Variants in FGGY observed in about 807,000 individuals in gnomAD.
FGGY encodes FGGY carbohydrate kinase domain containing, also known as FGGY carbohydrate kinase domain-containing protein.
Under a neutral mutation model 71.3 loss-of-function variants are expected in FGGY, and 72 were observed. The ratio of observed to expected loss-of-function variants is 1.01; its 90% CI spans 0.84 to 1.23. FGGY has a LOEUF of 1.23. Among genes scored for constraint, FGGY ranks in the 50% most tolerant of loss-of-function variants. The pLI, the probability that FGGY is intolerant of heterozygous loss-of-function variation, is 0.00. For missense variants in FGGY, 668 were observed against 682.3 expected, an observed-to-expected ratio of 0.98 and a Z score of 0.23; for synonymous variants, 251 against 250.3, an observed-to-expected ratio of 1.00 and a Z score of -0.02.
intron 11 of FGGY, among the ~76,000 whole-genome samples, chr1:59,646,647 T>C (rs2097097316): frequency 6.6e-6 from 1 of 152,162 alleles, no homozygotes. Context: ...AGGCACCTGA[T>C]GCACCAGGCA....
rs1474554762 is a variant in FGGY at position 59,359,478 on chromosome 1, C to G, written c.465+13080C>G. On this transcript the variant is annotated intron_variant, in intron 4 of 15. Transcript: ENST00000303721. Reference sequence around the variant, plus strand: ...ATTCCAGCACATTATAGTTACCTCTCCAAGAGCTGACTTTGTCCTCTTCTT... The same window carrying G: ...ATTCCAGCACATTATAGTTACCTCTGCAAGAGCTGACTTTGTCCTCTTCTT... 2.0e-5 allele frequency among the ~76,000 whole-genome samples: 3 copies of G among 152,130 alleles called. No homozygotes were observed. In the East Asian group the frequency reaches 5.8e-4, roughly 29 times the overall value.
At chr1:59,719,741 G>T (rs1367923373) in intron 14 of FGGY, among the ~76,000 whole-genome samples, 1 of 152,146 alleles carries the variant, frequency 6.6e-6, no homozygotes, top group Non-Finnish European at 1.5e-5. Context: ...GCCAGACACT[G>T]TTCTAGGCAT....
rs529936783 is a variant in FGGY, at chr1:59,665,932, C to T, written c.1297-1351C>T. Among the ~76,000 whole-genome samples the T allele has an allele frequency of 1.4e-4, 22 of 152,334 alleles. No homozygotes were observed. In the South Asian group the frequency reaches 4.1e-3, roughly 29 times the overall value. On this transcript the variant is annotated intron_variant, in intron 12 of 15. Transcript: ENST00000303721. Reference sequence around the variant, plus strand: ...TCATGATCCGCCCGCCTTGGCCTCCCAAAGTGCTGGGATTACAGGCGTGAG... The same window carrying T: ...TCATGATCCGCCCGCCTTGGCCTCCTAAAGTGCTGGGATTACAGGCGTGAG...
chr1:59,579,404 A>T (rs1337954932), intron 8 of FGGY, among the ~76,000 whole-genome samples: 1 of 152,106 alleles, frequency 6.6e-6, no homozygotes, highest in Non-Finnish European at 1.5e-5. Context: ...TGATATCCTA[A>T]TATATTTAAT....
chr1:59,316,655 T>C (rs973250045), intron 1 of FGGY, among the ~76,000 whole-genome samples: 2 of 152,202 alleles, frequency 1.3e-5, no homozygotes, highest in Admixed American at 6.5e-5. Context: ...TAATGAACTG[T>C]ATAAATATTT....
intron 7 of FGGY, among the ~76,000 whole-genome samples, chr1:59,531,368 T>A (rs1456203043): frequency 6.6e-6 from 1 of 152,260 alleles, no homozygotes; most frequent in African/African-American, 2.4e-5. Flanking sequence ...ATTCATTAAT[T>A]TATTCACTTG....
chr1:59,632,732 A>T (rs1232179130), intron 10 of FGGY, among the ~76,000 whole-genome samples: 1 of 151,976 alleles, frequency 6.6e-6, no homozygotes, highest in Non-Finnish European at 1.5e-5. Context: ...ACTTCTAAAA[A>T]TTTTTCTCTC....
intron 14 of FGGY, among the ~76,000 whole-genome samples, chr1:59,707,525 T>G (rs1333913798): frequency 6.6e-6 from 1 of 151,982 alleles, no homozygotes; most frequent in Admixed American, 6.6e-5. Context: ...GACAAGAGAG[T>G]GTTTTCAGCT....
chr1:59,593,425 A>T (rs1238981442), intron 8 of FGGY, among the ~76,000 whole-genome samples: 1 of 152,204 alleles, frequency 6.6e-6, no homozygotes, highest in Non-Finnish European at 1.5e-5. Flanking sequence ...TTATTTTCAC[A>T]TCTGCTCCGT....
intron 8 of FGGY, 58 bp from the exon 9 acceptor site, chr1:59,607,745 A>C: frequency 7.4e-7 from 1 of 1,353,956 alleles, no homozygotes; most frequent in Admixed American, 1.8e-5. Context: ...TAGGAGGAGA[A>C]CCCTTCCCCT....
chr1:59,422,559 G>T (rs1180649469), intron 5 of FGGY, among the ~76,000 whole-genome samples: 1 of 151,934 alleles, frequency 6.6e-6, no homozygotes, highest in Admixed American at 6.6e-5. Flanking sequence ...GCCAGGTGAG[G>T]TAGTGCGTGC....
intron 14 of FGGY, chr1:59,699,305 C>T (rs1285016065): frequency 1.0e-6 from 1 of 984,328 alleles, no homozygotes; most frequent in Non-Finnish European, 1.2e-6. Flanking sequence ...ATTAGAGATA[C>T]TAAATTGTTT....
chr1:59,726,034 A>C (rs542756830), intron 14 of FGGY, among the ~76,000 whole-genome samples: 13 of 152,284 alleles, frequency 8.5e-5, no homozygotes, highest in African/African-American at 3.1e-4. Context: ...CAAGTATGAT[A>C]ATAGCTGTAG....
At chr1:59,720,339 G>T (rs1558899985) in intron 14 of FGGY, among the ~76,000 whole-genome samples, 1 of 152,222 alleles carries the variant, frequency 6.6e-6, no homozygotes, top group Non-Finnish European at 1.5e-5. Context: ...GGGAAAAAAA[G>T]GTCCTTCAGT....
intron 6 of FGGY, among the ~76,000 whole-genome samples, chr1:59,510,701 T>A (rs2094498333): frequency 6.6e-6 from 1 of 152,242 alleles, no homozygotes; most frequent in South Asian, 2.1e-4. Flanking sequence ...ATATTCAAAT[T>A]ATTATTTTAA....
At chr1:59,664,352 A>C (rs1349159184) in intron 12 of FGGY, among the ~76,000 whole-genome samples, 1 of 152,256 alleles carries the variant, frequency 6.6e-6, no homozygotes, top group African/African-American at 2.4e-5. Context: ...AGGAACCGCC[A>C]GACTGAGTGG....
chr1:59,512,171 C>G, intron 6 of FGGY, 140 bp from the exon 7 acceptor site: 1 of 848,918 alleles, frequency 1.2e-6, no homozygotes, highest in Non-Finnish European at 1.7e-6. Flanking sequence ...AGCAAAGGGA[C>G]TCTTGATGAC....
At chr1:59,416,257 C>CA (rs1333056800) in intron 5 of FGGY, among the ~76,000 whole-genome samples, 1 of 152,126 alleles carries the variant, frequency 6.6e-6, no homozygotes, top group Non-Finnish European at 1.5e-5. Context: ...TTAGATATTA[C>CA]AATCATTTGT....
chr1:59,701,732 G>A (rs944089326), intron 14 of FGGY, among the ~76,000 whole-genome samples: 3 of 152,090 alleles, frequency 2.0e-5, no homozygotes, highest in Admixed American at 2.0e-4. Context: ...TTGGAGAGGG[G>A]TATGCATGTG....
Sources: allele counts gnomAD v4.1 joint callset (sites outside exome capture counted in the v4.1 genomes callset), GRCh38; gene constraint gnomAD v4.1.1; transcripts MANE v1.5; gene names NCBI Gene and HGNC (gene_info 2026-07-23, HGNC 2026-07-21).